CNTNAP5: variants seen among roughly 807,000 people sequenced by gnomAD.
CNTNAP5 encodes the protein contactin associated protein family member 5.
CNTNAP5 carries 72 observed loss-of-function variants against 150.2 expected under a neutral mutation model. That is an observed-to-expected ratio of 0.48 (90% confidence interval 0.40 to 0.58). The LOEUF (loss-of-function observed/expected upper bound fraction) is 0.58, where lower values mean the gene tolerates loss of function less well. CNTNAP5 is among the 20% of genes least tolerant of loss of function. The probability of loss-of-function intolerance (pLI) is 0.00; values close to 1 mark genes in which losing one functional copy is unlikely to be tolerated. For synonymous variants in CNTNAP5, 672 were observed against 619.8 expected (o/e 1.08, Z -1.25); for missense variants, 1,636 against 1,626.2 (o/e 1.01, Z -0.10).
intron 13 of CNTNAP5, among the ~76,000 whole-genome samples, chr2:124,662,290 C>T (rs1040652027): frequency 2.6e-5 from 4 of 152,082 alleles, no homozygotes; most frequent in Admixed American, 6.6e-5. Flanking sequence ...GATAAACATA[C>T]GTGTGCATGT....
intron 13 of CNTNAP5, among the ~76,000 whole-genome samples, chr2:124,692,203 G>A (rs570845603): frequency 1.3e-5 from 2 of 152,168 alleles, no homozygotes; most frequent in East Asian, 3.9e-4. Context: ...ACATTAGAAA[G>A]CAACAGCCCA....
Position 124,763,859 on chromosome 2 carries a change from CTCCCTTA to C in CNTNAP5, c.2362+67_2362+73del. ...ATTACATGAGCACAAGATGTTCTTACTCCCTTATCCCTTTTCCCTGCAGTGTGCCCTA... is the reference window on the plus strand; with the variant it reads ...ATTACATGAGCACAAGATGTTCTTACTCCCTTTTCCCTGCAGTGTGCCCTA... On this transcript the variant is annotated intron_variant, in intron 15 of 23. Coordinates refer to ENST00000682447, the MANE Select transcript of CNTNAP5 (RefSeq NM_001367498.1). The C allele has an allele frequency of 2.5e-6, 4 of 1,607,372 alleles. 1 individual carries two copies. In the South Asian group the frequency reaches 4.4e-5, roughly 18 times the overall value.
At chr2:124,361,444 C>G (rs1348720413) in intron 3 of CNTNAP5, among the ~76,000 whole-genome samples, 2 of 143,652 alleles carry the variant, frequency 1.4e-5, no homozygotes, top group Non-Finnish European at 3.1e-5. Context: ...GTGGTTTTAT[C>G]TACTTTTGGT....
At chr2:124,748,680 G>A (rs1299679930) in intron 14 of CNTNAP5, among the ~76,000 whole-genome samples, 1 of 152,066 alleles carries the variant, frequency 6.6e-6, no homozygotes, top group African/African-American at 2.4e-5. Flanking sequence ...ATAAAGTTAA[G>A]TCAAAATCTC....
intron 3 of CNTNAP5, among the ~76,000 whole-genome samples, chr2:124,377,728 T>C (rs930295099): frequency 2.0e-5 from 3 of 146,596 alleles, no homozygotes; most frequent in Non-Finnish European, 4.5e-5. Flanking sequence ...TTTTTATGGA[T>C]AATAATGCAA....
intron 12 of CNTNAP5, among the ~76,000 whole-genome samples, chr2:124,615,095 G>A (rs2104989827): frequency 6.6e-6 from 1 of 152,218 alleles, no homozygotes; most frequent in East Asian, 1.9e-4. Context: ...CATCATTTTT[G>A]CTGGTGGAGG....
chr2:124,685,606 G>C (rs539860719), intron 13 of CNTNAP5, among the ~76,000 whole-genome samples: 1 of 152,184 alleles, frequency 6.6e-6, no homozygotes, highest in South Asian at 2.1e-4. Flanking sequence ...ATTTTCAGTA[G>C]AGCAAATTGT....
intron 1 of CNTNAP5, among the ~76,000 whole-genome samples, chr2:124,158,625 A>G (rs1684604541): frequency 6.6e-6 from 1 of 152,200 alleles, no homozygotes; most frequent in Admixed American, 6.5e-5. Flanking sequence ...TTTTTGTGCC[A>G]GACAGGTTAG....
intron 1 of CNTNAP5, among the ~76,000 whole-genome samples, chr2:124,044,070 C>A (rs1681463401): frequency 2.0e-5 from 3 of 152,142 alleles, no homozygotes; most frequent in South Asian, 4.1e-4. Flanking sequence ...TATATGCTGT[C>A]TTTTATTGGC....
At chr2:124,034,976 G>T (rs113295519) in intron 1 of CNTNAP5, among the ~76,000 whole-genome samples, 1,634 of 151,574 alleles carry the variant, frequency 0.011, 29 homozygotes, top group Middle Eastern at 0.041. Context: ...ATTAAGACAT[G>T]TTATCCACAA....
Position 124,609,786 on chromosome 2 carries a change from C to A in CNTNAP5, c.1757-15C>A, listed in dbSNP as rs1415448219. ...GCCAAGCAAAGTTTTATCTCTGCTG[C>A]CTTTGTCTTTCCAGCCATCTACGAG... On this transcript the variant is annotated splice_polypyrimidine_tract_variant and intron_variant, in intron 11 of 23. Transcript: ENST00000682447. The A allele has an allele frequency of 6.2e-7, 1 of 1,612,648 alleles. No homozygotes were observed. Among genetic ancestry groups the A allele is most frequent in the Non-Finnish European group, 8.5e-7 (1 of 1,178,932 alleles).
intron 13 of CNTNAP5, among the ~76,000 whole-genome samples, chr2:124,655,660 C>T (rs923891513): frequency 2.6e-5 from 4 of 151,678 alleles, no homozygotes; most frequent in South Asian, 2.1e-4. Context: ...AGTTTTGAGA[C>T]GCCGAGGTGG....
chr2:124,822,361 C>T (rs72847380), intron 19 of CNTNAP5, among the ~76,000 whole-genome samples: 5,283 of 152,146 alleles, frequency 0.035, 126 homozygotes, highest in Non-Finnish European at 0.047. Context: ...TTAACTCTTG[C>T]CCTCATTCTT....
chr2:124,195,068 T>TA lies in CNTNAP5; in HGVS notation c.83-26631dup, dbSNP rs1478632932. On this transcript the variant is annotated intron_variant, in intron 1 of 23. Coordinates refer to ENST00000682447, the MANE Select transcript of CNTNAP5 (RefSeq NM_001367498.1). ...AAATAAAAAAAAAACTCAAAAAGCATAAAAAACATCTAAAGAGAACCTCAA... is the reference window on the plus strand; with the variant it reads ...AAATAAAAAAAAAACTCAAAAAGCATAAAAAAACATCTAAAGAGAACCTCAA... Among the ~76,000 whole-genome samples, 3 of 151,318 alleles carry TA rather than the reference T, an allele frequency of 2.0e-5. No homozygotes were observed. The East Asian group carries it at 5.9e-4, about 30-fold the overall frequency.
intron 3 of CNTNAP5, among the ~76,000 whole-genome samples, chr2:124,342,317 T>A (rs12463557): frequency 0.38 from 57,551 of 151,934 alleles, 11,063 homozygotes; most frequent in Middle Eastern, 0.4. Flanking sequence ...ATTCTGCCCA[T>A]AATACCTGTA....
chr2:124,820,999 C>G (rs755474385), intron 19 of CNTNAP5, among the ~76,000 whole-genome samples: 12 of 152,218 alleles, frequency 7.9e-5, no homozygotes, highest in Non-Finnish European at 1.6e-4. Flanking sequence ...AGTTTGTGCT[C>G]ACAGGCTCTT....
At chr2:124,154,776 C>G (rs1326088964) in intron 1 of CNTNAP5, among the ~76,000 whole-genome samples, 1 of 152,110 alleles carries the variant, frequency 6.6e-6, no homozygotes, top group Non-Finnish European at 1.5e-5. Context: ...ATGAATGCAG[C>G]CTCAAGCCCA....
intron 10 of CNTNAP5, among the ~76,000 whole-genome samples, chr2:124,534,662 C>G (rs1441878186): frequency 6.6e-6 from 1 of 152,134 alleles, no homozygotes; most frequent in Non-Finnish European, 1.5e-5. Flanking sequence ...ATCACGAGGT[C>G]AGGACATGGA....
chr2:124,718,966 A>G (rs1481410802), intron 13 of CNTNAP5, among the ~76,000 whole-genome samples: 1 of 151,858 alleles, frequency 6.6e-6, no homozygotes, highest in Non-Finnish European at 1.5e-5. Flanking sequence ...AAGAACGGGA[A>G]ATAAGACCAG....
Sources: gnomAD v4.1 joint callset for allele counts (sites outside exome capture counted in the v4.1 genomes callset) on GRCh38, gnomAD v4.1.1 for gene constraint, MANE v1.5 for transcripts, NCBI Gene and HGNC (gene_info 2026-07-23, HGNC 2026-07-21) for gene names.